The following LARP4B variants were observed in gnomAD, a reference collection of about 807,000 sequenced individuals.
The protein encoded by LARP4B is la-related protein 4B.
A neutral mutation model predicts 89.8 loss-of-function variants in LARP4B; 12 were observed. The ratio of observed to expected loss-of-function variants is 0.13; its 90% CI spans 0.09 to 0.22. LARP4B has a LOEUF of 0.22. LARP4B is among the 10% of genes least tolerant of loss of function. LARP4B has a pLI of 1.00. For synonymous variants in LARP4B, 367 were observed against 363.3 expected (o/e 1.01, Z -0.12); for missense variants, 757 against 947.7 (o/e 0.80, Z 2.64).
chr10:957,696 A>C, the LARP4B span, among the ~76,000 whole-genome samples: 2 of 152,092 alleles, frequency 1.3e-5, no homozygotes, highest in Non-Finnish European at 2.9e-5. Flanking sequence ...TTATAAGGTT[A>C]AATCTAAGCT....
chr10:928,670 C>A (rs1386904284), intron 1 of LARP4B, among the ~76,000 whole-genome samples: 2 of 152,190 alleles, frequency 1.3e-5, no homozygotes, highest in East Asian at 3.8e-4. Flanking sequence ...CAGCCTCAAC[C>A]TCCCAAGCTC....
At chr10:938,817 A>G in the LARP4B span, among the ~76,000 whole-genome samples, 2 of 152,218 alleles carry the variant, frequency 1.3e-5, no homozygotes, top group Non-Finnish European at 1.5e-5. Flanking sequence ...TAAACTTGTA[A>G]TTCTTCAAAA....
intron 1 of LARP4B, among the ~76,000 whole-genome samples, chr10:905,403 A>G (rs1157499640): frequency 6.6e-6 from 1 of 152,214 alleles, no homozygotes; most frequent in Non-Finnish European, 1.5e-5. Flanking sequence ...GTGAAAGGGA[A>G]ATATTCCATA....
chr10:907,727 G>A (rs1301668338), intron 1 of LARP4B, among the ~76,000 whole-genome samples: 1 of 152,146 alleles, frequency 6.6e-6, no homozygotes, highest in Non-Finnish European at 1.5e-5. Context: ...GTATACTAAT[G>A]ATATGACTGG....
intron 5 of LARP4B, among the ~76,000 whole-genome samples, chr10:859,365 T>C (rs551652766): frequency 1.3e-5 from 2 of 151,292 alleles, no homozygotes; most frequent in Non-Finnish European, 2.9e-5. Flanking sequence ...GAATGTAAAA[T>C]ACTATGGCCT....
At chr10:969,738 TAAAAG>T in the LARP4B span, among the ~76,000 whole-genome samples, 1 of 151,540 alleles carries the variant, frequency 6.6e-6, no homozygotes, top group African/African-American at 2.4e-5. Flanking sequence ...CAAAAAAAAA[TAAAAG>T]AAAATTAGGA....
the LARP4B span, among the ~76,000 whole-genome samples, chr10:956,900 G>T: frequency 2.0e-5 from 3 of 152,176 alleles, no homozygotes; most frequent in African/African-American, 7.2e-5. The surrounding 1 kb of genome is among the most constrained non-coding windows in gnomAD (Gnocchi z 4.3). Context: ...GGAAGGTGAC[G>T]CATGAGATAG....
chr10:919,337 G>A (rs762614987), intron 1 of LARP4B, among the ~76,000 whole-genome samples: 8 of 152,198 alleles, frequency 5.3e-5, no homozygotes, highest in East Asian at 1.9e-4. Context: ...TGCATGGGTC[G>A]TTCAGTGGTA....
the LARP4B span, among the ~76,000 whole-genome samples, chr10:973,541 C>T: frequency 2.0e-5 from 3 of 152,046 alleles, 1 homozygote; most frequent in African/African-American, 4.8e-5. Context: ...TTAGTAGAGA[C>T]GGGGTTTCAC....
At chr10:843,161 G>T (rs1833606475) in intron 6 of LARP4B, 93 bp from the exon 7 acceptor site, 2 of 1,064,270 alleles carry the variant, frequency 1.9e-6, no homozygotes. Context: ...CGTGAGTGTG[G>T]CATGGTATTG....
chr10:918,164 G>A (rs1836877397), intron 1 of LARP4B, among the ~76,000 whole-genome samples: 1 of 152,182 alleles, frequency 6.6e-6, no homozygotes, highest in Non-Finnish European at 1.5e-5. Context: ...TGACTTGACT[G>A]AGGGCTGAGA....
intron 1 of LARP4B, chr10:924,274 T>C (rs1837074349): frequency 1.3e-5 from 2 of 152,164 alleles, no homozygotes; most frequent in South Asian, 4.1e-4. Context: ...CGATTATATG[T>C]AATACAAATT....
At chr10:851,527 C>A (rs1056000634) in intron 5 of LARP4B, among the ~76,000 whole-genome samples, 1 of 152,088 alleles carries the variant, frequency 6.6e-6, no homozygotes, top group African/African-American at 2.4e-5. Flanking sequence ...CAAACCTCTA[C>A]CCAGACTGAT....
chr10:885,612 TC>T, intron 2 of LARP4B, 28 bp downstream of exon 2: 2 of 1,574,396 alleles, frequency 1.3e-6, no homozygotes, highest in Non-Finnish European at 1.7e-6. Flanking sequence ...AGCAATGGAC[TC>T]CCCACCACCC....
intron 3 of LARP4B, among the ~76,000 whole-genome samples, chr10:868,365 A>T (rs904049014): frequency 6.8e-6 from 1 of 148,020 alleles, no homozygotes; most frequent in African/African-American, 2.5e-5. Context: ...TAGCTGCTAT[A>T]TTAAGATTTG....
At chr10:910,014 G>C (rs998979377) in intron 1 of LARP4B, among the ~76,000 whole-genome samples, 1 of 152,134 alleles carries the variant, frequency 6.6e-6, no homozygotes, top group African/African-American at 2.4e-5. Flanking sequence ...CAGGCCCAGA[G>C]AGCCGTGAGT....
chr10:866,776 T>C (rs1371405702), intron 3 of LARP4B, among the ~76,000 whole-genome samples: 4 of 152,202 alleles, frequency 2.6e-5, no homozygotes, highest in African/African-American at 9.7e-5. Flanking sequence ...TCTCTATTAT[T>C]AGTACCTTTT....
intron 1 of LARP4B, among the ~76,000 whole-genome samples, chr10:899,934 A>G (rs1382990804): frequency 6.6e-6 from 1 of 152,206 alleles, no homozygotes; most frequent in Non-Finnish European, 1.5e-5. Flanking sequence ...TGTTACTTTC[A>G]ATGTCCAAAC....
chr10:947,170 G>A, the LARP4B span, among the ~76,000 whole-genome samples: 5 of 152,026 alleles, frequency 3.3e-5, no homozygotes, highest in South Asian at 2.1e-4. Context: ...ATGCCCAGCC[G>A]GAAGCACTTT....
Sources: gnomAD v4.1 joint callset for allele counts (sites outside exome capture counted in the v4.1 genomes callset) on GRCh38, gnomAD v4.1.1 for gene constraint, Gnocchi (gnomAD v3.1) non-coding constraint, MANE v1.5 for transcripts, NCBI Gene and HGNC (gene_info 2026-07-23, HGNC 2026-07-21) for gene names.